IGF1R: variants seen among roughly 807,000 people sequenced by gnomAD.
The protein encoded by IGF1R is insulin-like growth factor 1 receptor.
In IGF1R, 44 loss-of-function variants were observed where a neutral mutation model predicts 144.6. The observed-to-expected ratio is 0.30, with a 90% confidence interval of 0.24 to 0.39. IGF1R has a LOEUF of 0.39. IGF1R is among the 10% of genes least tolerant of loss of function. The pLI is 1.00. For synonymous variants in IGF1R, 795 were observed against 722.8 expected (o/e 1.10, Z -1.60); for missense variants, 1,355 against 1,833.7 (o/e 0.74, Z 4.77).
At chr15:98,872,849 A>C (rs1279524420) in intron 2 of IGF1R, among the ~76,000 whole-genome samples, 1 of 144,544 alleles carries the variant, frequency 6.9e-6, no homozygotes, top group African/African-American at 2.4e-5. Flanking sequence ...CAATTAAAAA[A>C]AAAAACAAAA....
chr15:98,673,880 CT>C (rs2052963732), intron 1 of IGF1R, among the ~76,000 whole-genome samples: 1 of 152,162 alleles, frequency 6.6e-6, no homozygotes, highest in Non-Finnish European at 1.5e-5. Flanking sequence ...TTCCCTGTTC[CT>C]TTTTCTCCTC....
At chr15:98,708,246 T>A in intron 2 of IGF1R, 139 bp downstream of exon 2, 1 of 771,070 alleles carries the variant, frequency 1.3e-6, no homozygotes, top group South Asian at 1.5e-5. Flanking sequence ...GCATGCCTGC[T>A]GTGCGGAAGT....
rs918730125 is a variant in IGF1R at position 98,960,561 on chromosome 15, A to G, written c.*3119A>G. The G allele has an allele frequency of 8.6e-6, 2 of 233,398 alleles. No individual in the cohort carries two copies. The highest frequency in any genetic ancestry group is 1.7e-5 in the Non-Finnish European group (2 of 118,234). The allele number at this position is 233,398 out of a possible 1,614,324, so 14.5% of individuals were successfully genotyped here. ...CATCTCTGTGCGAATCCCCAGGGTA[A>G]AGGCGTGGGGCATTGGGTTTGCTCC... On this transcript the variant is annotated 3_prime_UTR_variant, in exon 21 of 21. Coordinates refer to ENST00000650285, the MANE Select transcript of IGF1R (RefSeq NM_000875.5).
intron 2 of IGF1R, among the ~76,000 whole-genome samples, chr15:98,743,136 T>C (rs1567106106): frequency 1.3e-5 from 2 of 152,246 alleles, no homozygotes. Context: ...TAATGTGTTC[T>C]AACTTTTGAA....
intron 2 of IGF1R, chr15:98,880,616 A>G (rs1358905466): frequency 6.6e-6 from 1 of 152,262 alleles, no homozygotes; most frequent in African/African-American, 2.4e-5. Flanking sequence ...ATGGCATAGA[A>G]CTAAGTTTTT....
At chr15:98,915,282 C>A (rs1018071558) in intron 8 of IGF1R, among the ~76,000 whole-genome samples, 1 of 152,244 alleles carries the variant, frequency 6.6e-6, no homozygotes, top group South Asian at 2.1e-4. Flanking sequence ...ATTCATTCTG[C>A]TGGTGACAGA....
chr15:98,830,526 G>A (rs1207987300), intron 2 of IGF1R, among the ~76,000 whole-genome samples: 1 of 151,360 alleles, frequency 6.6e-6, no homozygotes, highest in Non-Finnish European at 1.5e-5. Context: ...AATTTATAAA[G>A]AAAAGAGGGT....
At position 98,916,873 on chromosome 15, in the gene IGF1R, C is replaced by T. The variant is rs1213565062; in HGVS notation, c.2198C>T (p.Pro733Leu). The T allele has an allele frequency of 6.2e-7, 1 of 1,613,834 alleles. No homozygotes were observed. Residue 733 changes from proline (P) to leucine (L), a missense_variant, in exon 10 of 21, where the codon CCC (proline) becomes CTC (leucine). Transcript: ENST00000650285. ...ENFLHNSIFV[P>L]RPERKRRDVM... ...TTCCTGCACAACTCCATCTTCGTGC[C>T]CAGGTACCCAGCTCATGTGAAATTT... is the stretch of plus-strand genomic sequence containing the variant.
In IGF1R at chr15:98,704,389, C is replaced by T. The variant is rs2053810925; in HGVS notation, c.95-3173C>T. On this transcript the variant is annotated intron_variant, in intron 1 of 20. Transcript: ENST00000650285. This position sits in a 1 kb window ranked among gnomAD's most constrained non-coding sequence, Gnocchi z 4.9. Reference sequence around the variant, plus strand: ...GCAGCCTCCTGAAGGAGCAGAAGCACTGTGGGCGGCAGGGTATCACAGAGG... The same window carrying T: ...GCAGCCTCCTGAAGGAGCAGAAGCATTGTGGGCGGCAGGGTATCACAGAGG... 6.6e-6 allele frequency among the ~76,000 whole-genome samples: 1 copy of T among 152,010 alleles called. No individual in the cohort carries two copies. The highest frequency in any genetic ancestry group is 2.4e-5 in the African/African-American group (1 of 41,370).
chr15:98,733,055 T>A (rs1048281752), intron 2 of IGF1R, among the ~76,000 whole-genome samples: 9 of 152,176 alleles, frequency 5.9e-5, no homozygotes, highest in African/African-American at 2.2e-4. Context: ...GAGTAGCTGC[T>A]ACACAGAAAG....
At chr15:98,886,707 G>C (rs2013660384) in intron 2 of IGF1R, among the ~76,000 whole-genome samples, 2 of 152,116 alleles carry the variant, frequency 1.3e-5, no homozygotes, top group Admixed American at 1.3e-4. Flanking sequence ...CCATCTGCTG[G>C]CGAGACACAC....
intron 2 of IGF1R, among the ~76,000 whole-genome samples, chr15:98,806,718 AAGAAACACCCGTTCTCTGGCATT>A (rs1264745915): frequency 1.3e-5 from 2 of 152,198 alleles, no homozygotes; most frequent in Non-Finnish European, 2.9e-5. Flanking sequence ...GCACTGTGGC[AAGAAACACCCGTTCTCTGGCATT>A]AGTAAGAGGG....
intron 7 of IGF1R, among the ~76,000 whole-genome samples, chr15:98,912,779 A>T (rs1466828139): frequency 6.6e-6 from 1 of 152,170 alleles, no homozygotes; most frequent in Non-Finnish European, 1.5e-5. Flanking sequence ...TAGTTTTTGC[A>T]TATGTTCTTA....
intron 1 of IGF1R, among the ~76,000 whole-genome samples, chr15:98,666,937 C>T (rs1463133149): frequency 6.6e-6 from 1 of 152,086 alleles, no homozygotes; most frequent in African/African-American, 2.4e-5. Context: ...AAGCTTATTT[C>T]TCAATTGTTT....
chr15:98,852,832 C>T (rs1203600771), intron 2 of IGF1R, among the ~76,000 whole-genome samples: 1 of 152,172 alleles, frequency 6.6e-6, no homozygotes, highest in East Asian at 1.9e-4. Context: ...CCTTTGACAC[C>T]CCGTCCTCCC....
chr15:98,850,531 G>A (rs1365209031), intron 2 of IGF1R, among the ~76,000 whole-genome samples: 5 of 152,256 alleles, frequency 3.3e-5, no homozygotes, highest in Non-Finnish European at 7.3e-5. Context: ...GGCAGAGGTT[G>A]CAACGAGGCC....
chr15:98,664,690 CAA>C (rs573877268), intron 1 of IGF1R, among the ~76,000 whole-genome samples: 84 of 69,548 alleles, frequency 1.2e-3, no homozygotes, highest in Middle Eastern at 0.01. Flanking sequence ...GACTCCATGT[CAA>C]AAAAAAAAAA....
At chr15:98,868,721 G>C (rs2012605696) in intron 2 of IGF1R, among the ~76,000 whole-genome samples, 1 of 152,162 alleles carries the variant, frequency 6.6e-6, no homozygotes, top group Non-Finnish European at 1.5e-5. Flanking sequence ...GATGGGAACG[G>C]CAGGCCCTCC....
At chr15:98,734,491 C>A (rs141370123) in intron 2 of IGF1R, among the ~76,000 whole-genome samples, 41 of 152,206 alleles carry the variant, frequency 2.7e-4, no homozygotes, top group Non-Finnish European at 5.1e-4. Flanking sequence ...AGAGTTTATA[C>A]CCATGGAGGT....
Sources: gnomAD v4.1 joint callset for allele counts (sites outside exome capture counted in the v4.1 genomes callset) on GRCh38, gnomAD v4.1.1 for gene constraint, Gnocchi (gnomAD v3.1) non-coding constraint, MANE v1.5 for transcripts, NCBI Gene and HGNC (gene_info 2026-07-23, HGNC 2026-07-21) for gene names.